Variants in CELF2 observed in about 807,000 individuals in gnomAD.
The protein encoded by CELF2 is CUGBP Elav-like family member 2.
In CELF2, 8 loss-of-function variants were observed where a neutral mutation model predicts 62.6. The ratio of observed to expected loss-of-function variants is 0.13; its 90% confidence interval spans 0.07 to 0.23. CELF2 has a LOEUF of 0.23. CELF2 is among the 10% of genes least tolerant of loss of function. The pLI is 1.00. For missense variants in CELF2, 333 were observed against 671.0 expected, an observed-to-expected ratio of 0.50 and a Z score of 5.56; for synonymous variants, 258 against 250.0, an observed-to-expected ratio of 1.03 and a Z score of -0.30.
chr10:11,159,647 A>G lies in CELF2; in HGVS notation c.75-5839A>G, dbSNP rs1596359722. 6.6e-6 allele frequency among the ~76,000 whole-genome samples: 1 copy of G among 152,280 alleles called. No homozygotes were observed. Among genetic ancestry groups the G allele is most frequent in the South Asian group, 2.1e-4 (1 of 4,826 alleles). Reference sequence around the variant, plus strand: ...ATTTCTCTTCTTAAATAATGGCAACACCAAAATGAACAATGTAGAGATTGT... The same window carrying G: ...ATTTCTCTTCTTAAATAATGGCAACGCCAAAATGAACAATGTAGAGATTGT... On this transcript the variant is annotated intron_variant, in intron 1 of 12. Coordinates refer to ENST00000633077, the MANE Select transcript of CELF2 (RefSeq NM_001326342.2). This position sits in a 1 kb window ranked among gnomAD's most constrained non-coding sequence, Gnocchi z 5.0.
chr10:10,820,805 A>G (rs1590789069), intron 1 of CELF2, among the ~76,000 whole-genome samples: 1 of 152,198 alleles, frequency 6.6e-6, no homozygotes, highest in East Asian at 1.9e-4. Context: ...CTCTCATTGT[A>G]AGAGCAATGG....
At chr10:10,737,800 A>T in the CELF2 span, among the ~76,000 whole-genome samples, 2 of 152,124 alleles carry the variant, frequency 1.3e-5, no homozygotes, top group Non-Finnish European at 2.9e-5. Flanking sequence ...AGGTCAAAAG[A>T]AACACCCAGC....
At chr10:11,047,293 G>T (rs902233138) in intron 1 of CELF2, among the ~76,000 whole-genome samples, 1 of 152,282 alleles carries the variant, frequency 6.6e-6, no homozygotes, top group East Asian at 1.9e-4. Context: ...GTTTTGAGAT[G>T]AGTGTTTTCC....
In CELF2 at chr10:11,237,202, A is replaced by G. The variant is rs1201539234; in HGVS notation, c.355-11951A>G. The stretch of plus-strand genomic sequence containing the variant: ...AAGTCTATGAGAAGGAAAAGAAATT[A>G]GGAGAGAGAGAGAGAGCTAAACTGA... On this transcript the variant is annotated intron_variant, in intron 3 of 12. Transcript: ENST00000633077. The surrounding 1 kb of genome is among the most constrained non-coding windows in gnomAD (Gnocchi z 4.0). Among the ~76,000 whole-genome samples, 1 of 152,172 alleles carries G rather than the reference A, an allele frequency of 6.6e-6. No individual in the cohort carries two copies. Among genetic ancestry groups the G allele is most frequent in the Admixed American group, 6.5e-5 (1 of 15,280 alleles).
intron 9 of CELF2, among the ~76,000 whole-genome samples, chr10:11,307,980 T>C (rs2094349091): frequency 1.3e-5 from 2 of 152,214 alleles, no homozygotes; most frequent in Non-Finnish European, 1.5e-5. Flanking sequence ...TTCTGCACAG[T>C]GCAAGCTGCA....
rs930398383 is a variant in CELF2, at chr10:11,332,590, C to G, written c.*3537C>G. 6.6e-6 allele frequency: 1 copy of G among 150,750 alleles called. No individual in the cohort carries two copies. Among genetic ancestry groups the G allele is most frequent in the African/African-American group, 2.5e-5 (1 of 39,612 alleles). The allele number at this position is 150,750 out of a possible 1,614,324, so 9.3% of individuals were successfully genotyped here. On this transcript the variant is annotated 3_prime_UTR_variant, in exon 13 of 13. Coordinates refer to ENST00000633077, the MANE Select transcript of CELF2 (RefSeq NM_001326342.2). ...GCTGTCTTGACAAATCCTAATGTCA[C>G]GCCTACAGCCCCAACACAAGCTCCA...
chr10:10,796,343 A>G (rs2054137865), upstream of CELF2, among the ~76,000 whole-genome samples: 1 of 152,238 alleles, frequency 6.6e-6, no homozygotes, highest in Admixed American at 6.5e-5. Context: ...AATACACTTC[A>G]GCTACTACTG....
chr10:11,126,087 C>T (rs1244862068), intron 1 of CELF2, among the ~76,000 whole-genome samples: 2 of 152,228 alleles, frequency 1.3e-5, no homozygotes, highest in Non-Finnish European at 2.9e-5. Flanking sequence ...TTTACACCTC[C>T]TTTGAGTAGT....
intron 1 of CELF2, among the ~76,000 whole-genome samples, chr10:10,805,172 G>A (rs2055084066): frequency 6.6e-6 from 1 of 152,212 alleles, no homozygotes; most frequent in African/African-American, 2.4e-5. Flanking sequence ...TTATTTAGAA[G>A]GAAGTGATAC....
chr10:10,955,285 C>G (rs962918461), intron 2 of CELF2, among the ~76,000 whole-genome samples: 2 of 152,240 alleles, frequency 1.3e-5, no homozygotes, highest in African/African-American at 4.8e-5. Flanking sequence ...GTGTGCTTCC[C>G]ACTCAACCAC....
At chr10:10,857,275 C>A (rs770418167) in intron 1 of CELF2, among the ~76,000 whole-genome samples, 4 of 152,048 alleles carry the variant, frequency 2.6e-5, no homozygotes, top group Non-Finnish European at 5.9e-5. Flanking sequence ...TAAAAAGCTT[C>A]TAGAGCTTTC....
chr10:10,493,681 G>C, the CELF2 span, among the ~76,000 whole-genome samples: 1 of 151,988 alleles, frequency 6.6e-6, no homozygotes, highest in East Asian at 1.9e-4. Flanking sequence ...ACAGGTGCCT[G>C]ACACTACATA....
At position 11,269,342 on chromosome 10, in the gene CELF2, CT is replaced by C. The variant is rs908653071; in HGVS notation, c.619-1316del. 1.1e-4 allele frequency among the ~76,000 whole-genome samples: 16 copies of C among 151,994 alleles called. No homozygotes were observed. Among genetic ancestry groups the C allele is most frequent in the African/African-American group, 1.7e-4 (7 of 41,362 alleles). On this transcript the variant is annotated intron_variant, in intron 6 of 12. Transcript: ENST00000633077. The surrounding 1 kb of genome is among the most constrained non-coding windows in gnomAD (Gnocchi z 4.4). The stretch of plus-strand genomic sequence containing the variant: ...TGAAATATTCATCTCATTTTTCTCA[CT>C]TTTTTTTATTAACAGACATGATATC...
At chr10:11,088,091 C>T (rs1034560260) in intron 1 of CELF2, among the ~76,000 whole-genome samples, 1 of 152,154 alleles carries the variant, frequency 6.6e-6, no homozygotes, top group East Asian at 1.9e-4. Flanking sequence ...CGTTGTGCTT[C>T]AGTAGAGGAG....
At chr10:10,663,182 T>C in the CELF2 span, among the ~76,000 whole-genome samples, 2 of 152,214 alleles carry the variant, frequency 1.3e-5, no homozygotes, top group Non-Finnish European at 2.9e-5. Flanking sequence ...AGCTGCTGTG[T>C]ACACTCAAAA....
the CELF2 span, among the ~76,000 whole-genome samples, chr10:10,657,036 A>C: frequency 5.3e-5 from 8 of 152,308 alleles, no homozygotes; most frequent in Admixed American, 5.2e-4. Context: ...TCAATGGATG[A>C]ATGGATAAAT....
At chr10:10,853,905 A>G (rs1177664814) in intron 1 of CELF2, among the ~76,000 whole-genome samples, 1 of 152,176 alleles carries the variant, frequency 6.6e-6, no homozygotes, top group Non-Finnish European at 1.5e-5. Context: ...AGGGAGAGCA[A>G]GACTTCGCAT....
At chr10:10,843,208 A>G (rs2058799465) in intron 1 of CELF2, among the ~76,000 whole-genome samples, 1 of 152,060 alleles carries the variant, frequency 6.6e-6, no homozygotes, top group Non-Finnish European at 1.5e-5. Context: ...CAACAAAGAA[A>G]ATCAATATAA....
intron 5 of CELF2, among the ~76,000 whole-genome samples, chr10:11,264,513 T>C (rs1392268205): frequency 6.6e-6 from 1 of 152,270 alleles, no homozygotes. Flanking sequence ...CTCCAATAGA[T>C]GATTTGCCTT....
Sources: allele counts gnomAD v4.1 joint callset (sites outside exome capture counted in the v4.1 genomes callset), GRCh38; gene constraint gnomAD v4.1.1; non-coding constraint Gnocchi (gnomAD v3.1); transcripts MANE v1.5; gene names NCBI Gene and HGNC (gene_info 2026-07-23, HGNC 2026-07-21).